The following EYS variants were observed in gnomAD, a reference collection of about 807,000 sequenced individuals.
The protein encoded by EYS is EGF-like photoreceptor maintenance factor.
EYS carries 250 observed loss-of-function variants against 282.1 expected under a neutral mutation model. The ratio of observed to expected loss-of-function variants is 0.89; its 90% CI spans 0.80 to 0.98. The LOEUF is 0.98. Among genes scored for constraint, EYS ranks in the 50% least tolerant of loss-of-function variants. EYS has a pLI of 0.00. For synonymous variants in EYS, 1,355 were observed against 1,282.9 expected, an observed-to-expected ratio of 1.06 and a Z score of -1.20; for missense variants, 4,016 against 3,709.0, an observed-to-expected ratio of 1.08 and a Z score of -2.15.
In EYS at chr6:64,965,831, T is replaced by C. The variant is rs935724079; in HGVS notation, c.2260-19917A>G. 1.4e-4 allele frequency among the ~76,000 whole-genome samples: 22 copies of C among 152,146 alleles called. 1 individual carries two copies. The highest frequency in any genetic ancestry group is 5.1e-4 in the African/African-American group (21 of 41,436). ...CTGAAAACAGAATATATTTTATATA[T>C]TAGAGATACATAGATTGTGAATCAG... On this transcript the variant is annotated intron_variant, in intron 14 of 42. Coordinates refer to ENST00000503581, the MANE Select transcript of EYS (RefSeq NM_001142800.2).
intron 1 of EYS, among the ~76,000 whole-genome samples, chr6:65,686,557 A>C (rs1769021785): frequency 6.6e-6 from 1 of 152,122 alleles, no homozygotes; most frequent in African/African-American, 2.4e-5. Flanking sequence ...CACATATATA[A>C]CATATGCTCA....
In EYS at chr6:65,295,852, A is replaced by AG; in HGVS notation, c.2023+10_2023+11insC. On this transcript the variant is annotated intron_variant, in intron 12 of 42. Coordinates refer to ENST00000503581, the MANE Select transcript of EYS (RefSeq NM_001142800.2). ...TAGAAAATTTAATTTATCAGGAAAAAAAAAACTTGCCTTTAAATCCTGGGA... is the reference window on the plus strand; with the variant it reads ...TAGAAAATTTAATTTATCAGGAAAAAGAAAAACTTGCCTTTAAATCCTGGGA... The AG allele has an allele frequency of 6.6e-7, 1 of 1,525,770 alleles. No individual in the cohort carries two copies. Among genetic ancestry groups the AG allele is most frequent in the Non-Finnish European group, 8.8e-7 (1 of 1,139,126 alleles). The allele number at this position is 1,525,770 out of a possible 1,614,324, so 94.5% of individuals were successfully genotyped here.
chr6:65,139,639 T>A (rs918025709), intron 12 of EYS, among the ~76,000 whole-genome samples: 4 of 151,938 alleles, frequency 2.6e-5, no homozygotes, highest in African/African-American at 9.7e-5. Context: ...AAATGTTGAG[T>A]GGGAAACTAG....
chr6:65,593,703 T>G (rs2127369739), intron 2 of EYS, among the ~76,000 whole-genome samples: 1 of 152,130 alleles, frequency 6.6e-6, no homozygotes, highest in East Asian at 1.9e-4. Context: ...TCCCACGATA[T>G]TATTTTTTTA....
chr6:64,222,931 T>TA (rs954125310), intron 31 of EYS, among the ~76,000 whole-genome samples: 1 of 151,828 alleles, frequency 6.6e-6, no homozygotes, highest in Non-Finnish European at 1.5e-5. Flanking sequence ...TATCGGTACT[T>TA]ACAGTTTTCC....
intron 2 of EYS, among the ~76,000 whole-genome samples, chr6:65,597,534 T>A (rs1178663389): frequency 1.3e-5 from 2 of 152,082 alleles, no homozygotes; most frequent in Non-Finnish European, 2.9e-5. Context: ...TGGAAAGTAT[T>A]AGCTACATGC....
intron 8 of EYS, among the ~76,000 whole-genome samples, chr6:65,357,860 C>T (rs552898612): frequency 4.4e-4 from 63 of 143,106 alleles, no homozygotes; most frequent in African/African-American, 1.5e-3. Context: ...TGCTAAAACA[C>T]TATTTTTTTT....
At chr6:65,311,887 T>G (rs997709641) in intron 11 of EYS, among the ~76,000 whole-genome samples, 4 of 152,090 alleles carry the variant, frequency 2.6e-5, no homozygotes, top group African/African-American at 9.7e-5. Context: ...GAAAAATGAG[T>G]GCTTTTCTGG....
At chr6:63,731,886 TAAA>T (rs1354791418) in intron 41 of EYS, among the ~76,000 whole-genome samples, 2 of 152,180 alleles carry the variant, frequency 1.3e-5, no homozygotes. Context: ...AGAATGCAGA[TAAA>T]AAACACCTAT....
chr6:64,227,959 G>T lies in EYS; in HGVS notation c.6424+2633C>A, dbSNP rs567320369. 2.0e-5 allele frequency among the ~76,000 whole-genome samples: 3 copies of T among 152,122 alleles called. No homozygotes were observed. The South Asian group carries it at 6.2e-4, about 32-fold the overall frequency. ...TTTTACCAGGCAATTGAAACAATTT[G>T]AAAATGGCATATAATAATTATTGAA... On this transcript the variant is annotated intron_variant, in intron 31 of 42. Transcript: ENST00000503581.
At chr6:64,282,162 T>C (rs1283820558) in intron 30 of EYS, among the ~76,000 whole-genome samples, 1 of 152,146 alleles carries the variant, frequency 6.6e-6, no homozygotes, top group East Asian at 1.9e-4. Context: ...TATCAATTTA[T>C]TTTAATTAGC....
At chr6:65,582,433 C>T (rs554296317) in intron 2 of EYS, among the ~76,000 whole-genome samples, 1 of 152,048 alleles carries the variant, frequency 6.6e-6, no homozygotes, top group Non-Finnish European at 1.5e-5. Context: ...ATAAATTTCC[C>T]CTTAGTCCTG....
At chr6:64,410,320 A>C (rs1190957226) in intron 28 of EYS, among the ~76,000 whole-genome samples, 2 of 152,160 alleles carry the variant, frequency 1.3e-5, no homozygotes, top group Non-Finnish European at 2.9e-5. Context: ...GTGAATCCTC[A>C]AAATAGTATC....
At chr6:64,847,585 G>T (rs943227253) in intron 19 of EYS, among the ~76,000 whole-genome samples, 1 of 151,912 alleles carries the variant, frequency 6.6e-6, no homozygotes, top group East Asian at 1.9e-4. Context: ...GTCCATCTCC[G>T]TTTCCCTGGC....
chr6:64,683,655 A>T (rs1372778525), intron 22 of EYS, among the ~76,000 whole-genome samples: 1 of 152,222 alleles, frequency 6.6e-6, no homozygotes, highest in South Asian at 2.1e-4. Flanking sequence ...AATGGCTGAC[A>T]TTTTCCCAAA....
chr6:65,165,897 T>G (rs1764960766), intron 12 of EYS, among the ~76,000 whole-genome samples: 1 of 151,156 alleles, frequency 6.6e-6, no homozygotes, highest in Non-Finnish European at 1.5e-5. Flanking sequence ...ACAGGATGAA[T>G]AATCAATACA....
In EYS at chr6:64,454,351, TG is replaced by T. The variant is rs1775482062; in HGVS notation, c.5645-15000del. Among the ~76,000 whole-genome samples the T allele has an allele frequency of 2.6e-5, 4 of 152,280 alleles. No homozygotes were observed. The South Asian group carries it at 8.3e-4, about 32-fold the overall frequency. On this transcript the variant is annotated intron_variant, in intron 26 of 42. Coordinates refer to ENST00000503581, the MANE Select transcript of EYS (RefSeq NM_001142800.2). ...TTGTTCTTCTTCTTCAGGGTTGTGT[TG>T]TTTTATTTTTGCCCTGTGCCCTTTT...
At chr6:64,642,377 A>C (rs1562107827) in intron 22 of EYS, among the ~76,000 whole-genome samples, 1 of 152,212 alleles carries the variant, frequency 6.6e-6, no homozygotes, top group Non-Finnish European at 1.5e-5. Context: ...CTGAGATTTA[A>C]TGTGCCATTA....
intron 30 of EYS, among the ~76,000 whole-genome samples, chr6:64,295,757 C>T (rs1768955182): frequency 6.6e-6 from 1 of 150,452 alleles, no homozygotes; most frequent in South Asian, 2.1e-4. Context: ...ATGGGTCTGC[C>T]ACTCCAAAGA....
Sources: allele counts gnomAD v4.1 joint callset (sites outside exome capture counted in the v4.1 genomes callset), GRCh38; gene constraint gnomAD v4.1.1; transcripts MANE v1.5; gene names NCBI Gene and HGNC (gene_info 2026-07-23, HGNC 2026-07-21).